The following ULK4 variants were observed in gnomAD, a reference collection of about 807,000 sequenced individuals.
ULK4 encodes the protein inactive serine/threonine-protein kinase ULK4.
In ULK4, 133 loss-of-function variants were observed where a neutral mutation model predicts 160.6. That is an observed-to-expected ratio of 0.83 (90% CI 0.72 to 0.96). The LOEUF (loss-of-function observed/expected upper bound fraction) is 0.96, where lower values mean the gene tolerates loss of function less well. Ranked by LOEUF, ULK4 falls within the 40% of genes least tolerant of loss-of-function variation. ULK4 has a pLI of 0.00. For missense variants in ULK4, 1,580 were observed against 1,499.5 expected (o/e 1.05, Z -0.89); for synonymous variants, 534 against 539.8 (o/e 0.99, Z 0.15).
intron 32 of ULK4, among the ~76,000 whole-genome samples, chr3:41,506,693 C>T (rs528247339): frequency 7.1e-6 from 1 of 141,222 alleles, no homozygotes; most frequent in South Asian, 2.2e-4. Flanking sequence ...CTTTCTTGTC[C>T]TCTATTTCTT....
intron 16 of ULK4, among the ~76,000 whole-genome samples, chr3:41,889,973 C>T (rs566437562): frequency 3.9e-4 from 60 of 152,286 alleles, no homozygotes; most frequent in Non-Finnish European, 7.2e-4. Flanking sequence ...ACCTTGAAAA[C>T]ATTATGCTAA....
intron 12 of ULK4, among the ~76,000 whole-genome samples, chr3:41,901,479 C>CTTTT (rs566805860): frequency 0.023 from 516 of 22,540 alleles, 84 homozygotes; most frequent in African/African-American, 0.032. Context: ...CACGCCCAGC[C>CTTTT]TTTTTTTTTT....
At chr3:41,441,812 A>G (rs928443144) in intron 34 of ULK4, among the ~76,000 whole-genome samples, 6 of 152,086 alleles carry the variant, frequency 3.9e-5, no homozygotes, top group African/African-American at 1.4e-4. Flanking sequence ...TTTAAGCTGC[A>G]TATTTGTCTT....
intron 31 of ULK4, among the ~76,000 whole-genome samples, chr3:41,590,745 C>G (rs1317446197): frequency 2.6e-5 from 4 of 151,016 alleles, no homozygotes; most frequent in African/African-American, 9.7e-5. Context: ...ACTTGAAGAC[C>G]TCGCAATACA....
rs71288052 is a variant in ULK4, at chr3:41,858,147, G to GTTTTT, written c.1657-22181_1657-22177dup. Among the ~76,000 whole-genome samples the GTTTTT allele has an allele frequency of 8.8e-3, 810 of 91,970 alleles. 1 individual carries two copies. Among genetic ancestry groups the GTTTTT allele is most frequent in the Non-Finnish European group, 0.013 (624 of 47,106 alleles). The allele number at this position is 91,970 out of a possible 152,430, so 60.3% of individuals were successfully genotyped here. A position where few individuals can be genotyped will look rare whatever the true frequency, so the allele number is the denominator to read the frequency against. ...GTATCCCATAGGGTTTTTTTTGTTT[G>GTTTTT]TTTTTTTTTTTTTTTTTTTTTTTGG... is the stretch of plus-strand genomic sequence containing the variant. On this transcript the variant is annotated intron_variant, in intron 17 of 36. Coordinates refer to ENST00000301831, the MANE Select transcript of ULK4 (RefSeq NM_017886.4).
At position 41,842,313 on chromosome 3, in the gene ULK4, G is replaced by A. The variant is rs191984591; in HGVS notation, c.1657-6342C>T. On this transcript the variant is annotated intron_variant, in intron 17 of 36. Transcript: ENST00000301831. The stretch of plus-strand genomic sequence containing the variant: ...AGAGTGAAACCCCCATATAAAAAGG[G>A]AAAAAAGAAAAAAAATGGTTGCAAT... Among the ~76,000 whole-genome samples, 1,025 of 151,506 alleles carry A rather than the reference G, an allele frequency of 6.8e-3. 6 individuals carry two copies. The highest frequency in any genetic ancestry group is 0.01 in the Non-Finnish European group (699 of 67,806).
chr3:41,890,376 A>C (rs1229905894), intron 16 of ULK4, among the ~76,000 whole-genome samples: 2 of 152,092 alleles, frequency 1.3e-5, no homozygotes, highest in Non-Finnish European at 2.9e-5. Flanking sequence ...AAATAATATA[A>C]AAGCTAAAGG....
At chr3:41,785,798 G>T (rs2039983069) in intron 21 of ULK4, among the ~76,000 whole-genome samples, 1 of 152,040 alleles carries the variant, frequency 6.6e-6, no homozygotes, top group Non-Finnish European at 1.5e-5. Flanking sequence ...CCTTAGGAAG[G>T]CCAATATCAT....
intron 20 of ULK4, among the ~76,000 whole-genome samples, chr3:41,796,489 A>G (rs900426048): frequency 3.9e-5 from 6 of 152,034 alleles, no homozygotes; most frequent in Non-Finnish European, 7.4e-5. Context: ...CTATTCGGGA[A>G]GCTGAGTCAG....
chr3:41,359,197 T>A (rs547565702), intron 35 of ULK4, among the ~76,000 whole-genome samples: 25 of 152,180 alleles, frequency 1.6e-4, no homozygotes, highest in African/African-American at 5.5e-4. Context: ...GGGGAGGCCA[T>A]GAGAAGCCTG....
At chr3:41,569,098 G>C (rs759130637) in intron 31 of ULK4, among the ~76,000 whole-genome samples, 6 of 152,138 alleles carry the variant, frequency 3.9e-5, no homozygotes, top group Admixed American at 3.3e-4. Context: ...TGTCTTCCCC[G>C]GGCACACCAC....
chr3:41,261,945 T>C (rs1407282358), intron 35 of ULK4, among the ~76,000 whole-genome samples: 1 of 152,228 alleles, frequency 6.6e-6, no homozygotes, highest in Admixed American at 6.5e-5. Flanking sequence ...TGGGCCATTA[T>C]CTCATGTTCT....
At chr3:41,480,206 CAAAAAAAA>C (rs60805184) in intron 32 of ULK4, among the ~76,000 whole-genome samples, 2 of 97,184 alleles carry the variant, frequency 2.1e-5, no homozygotes, top group African/African-American at 7.5e-5. Context: ...GACTCCGTAT[CAAAAAAAA>C]AAAAAAAAAA....
At chr3:41,345,432 T>C (rs1456406856) in intron 35 of ULK4, among the ~76,000 whole-genome samples, 1 of 152,226 alleles carries the variant, frequency 6.6e-6, no homozygotes, top group Non-Finnish European at 1.5e-5. Context: ...CACAATGGAA[T>C]ACTATGCAGC....
intron 35 of ULK4, among the ~76,000 whole-genome samples, chr3:41,260,327 C>T (rs1433131350): frequency 6.6e-6 from 1 of 152,198 alleles, no homozygotes; most frequent in Non-Finnish European, 1.5e-5. Flanking sequence ...CTTCCAGAAG[C>T]ATCCTGAGCT....
intron 16 of ULK4, among the ~76,000 whole-genome samples, chr3:41,884,676 A>AT (rs1052679758): frequency 4.6e-5 from 7 of 152,130 alleles, no homozygotes; most frequent in African/African-American, 1.7e-4. Flanking sequence ...GTCAGCTTTT[A>AT]TTTTTTACCA....
chr3:41,383,989 C>T (rs1394466847), intron 35 of ULK4, among the ~76,000 whole-genome samples: 1 of 152,114 alleles, frequency 6.6e-6, no homozygotes, highest in Non-Finnish European at 1.5e-5. Flanking sequence ...TTACCCTTTA[C>T]TTTAAAAAGT....
intron 32 of ULK4, among the ~76,000 whole-genome samples, chr3:41,494,934 T>C (rs956656586): frequency 7.9e-5 from 12 of 151,958 alleles, no homozygotes; most frequent in African/African-American, 2.7e-4. Context: ...TAAAAGAGGA[T>C]ACAAACAAAT....
chr3:41,790,847 A>G (rs2040130665), intron 20 of ULK4, among the ~76,000 whole-genome samples: 1 of 152,178 alleles, frequency 6.6e-6, no homozygotes, highest in Non-Finnish European at 1.5e-5. Context: ...TAAGGAAAGG[A>G]AAGACATGAT....
Sources: gnomAD v4.1 joint callset for allele counts (sites outside exome capture counted in the v4.1 genomes callset) on GRCh38, gnomAD v4.1.1 for gene constraint, MANE v1.5 for transcripts, NCBI Gene and HGNC (gene_info 2026-07-23, HGNC 2026-07-21) for gene names.